The following IL17RB variants were observed in gnomAD, a reference collection of about 807,000 sequenced individuals.
The protein encoded by IL17RB is interleukin 17 receptor B, also known as interleukin-17 receptor B.
In IL17RB, 36 loss-of-function variants were observed where a neutral mutation model predicts 43.9. That is an observed-to-expected ratio of 0.82 (90% confidence interval 0.63 to 1.08). The LOEUF (loss-of-function observed/expected upper bound fraction) is 1.08. Among genes scored for constraint, IL17RB ranks in the 50% least tolerant of loss-of-function variants. The pLI is 0.00. For missense variants in IL17RB, 613 were observed against 613.6 expected, an observed-to-expected ratio of 1.00 and a Z score of 0.01; for synonymous variants, 225 against 225.4, an observed-to-expected ratio of 1.00 and a Z score of 0.02.
Position 53,855,352 on chromosome 3 carries a change from A to G in IL17RB, c.529+11A>G. On this transcript the variant is annotated intron_variant, in intron 6 of 10. Coordinates refer to ENST00000288167, the MANE Select transcript of IL17RB (RefSeq NM_018725.4). ...AGTGTGTCAAGGCCGGTAAGTAAAT[A>G]CGGCATTTGCTTTTATTATTTGAAG... is the stretch of plus-strand genomic sequence containing the variant. 1 of 1,569,924 alleles carries G rather than the reference A, an allele frequency of 6.4e-7. No homozygotes were observed. The highest frequency in any genetic ancestry group is 1.3e-5 in the African/African-American group (1 of 74,158).
chr3:53,849,968 A>G (rs554594912), intron 3 of IL17RB, among the ~76,000 whole-genome samples, 173 bp downstream of exon 3: 12 of 152,346 alleles, frequency 7.9e-5, no homozygotes, highest in Admixed American at 7.8e-4. Context: ...AACAGGCAAC[A>G]TTAGAAAGCA....
rs1196766510 is a variant in IL17RB at position 53,853,048 on chromosome 3, T to A, written c.481+51T>A. 3 of 1,609,310 alleles carry A rather than the reference T, an allele frequency of 1.9e-6. No homozygotes were observed. The African/African-American group carries it at 4.0e-5, about 21-fold the overall frequency. ...TCTTTGTCTTGCTGGGATGCCTGCT[T>A]TGCGATATGCACAGAGAGAGCCCAG... On this transcript the variant is annotated intron_variant, in intron 5 of 10. Coordinates refer to ENST00000288167, the MANE Select transcript of IL17RB (RefSeq NM_018725.4).
At chr3:53,854,173 A>G (rs1699253631) in intron 5 of IL17RB, among the ~76,000 whole-genome samples, 1 of 152,198 alleles carries the variant, frequency 6.6e-6, no homozygotes, top group Non-Finnish European at 1.5e-5. Flanking sequence ...CTGGGATTAC[A>G]GGAGTGAGCC....
chr3:53,863,589 A>G (rs369395183), intron 10 of IL17RB, among the ~76,000 whole-genome samples: 1 of 152,194 alleles, frequency 6.6e-6, no homozygotes, highest in Non-Finnish European at 1.5e-5. Flanking sequence ...AGTTTCAAAC[A>G]TGGTTTGTTT....
intron 10 of IL17RB, among the ~76,000 whole-genome samples, chr3:53,864,133 C>G (rs1285752109): frequency 6.6e-6 from 1 of 152,104 alleles, no homozygotes; most frequent in Non-Finnish European, 1.5e-5. Flanking sequence ...AACAAAGTAT[C>G]TTAAACCTAA....
intron 10 of IL17RB, chr3:53,860,897 AAC>A (rs1264592105): frequency 5.3e-5 from 8 of 152,238 alleles, no homozygotes; most frequent in African/African-American, 9.6e-5. Context: ...TCAAAACTTA[AAC>A]ACACACATAC....
At chr3:53,855,480 A>C (rs1251952104) in intron 6 of IL17RB, 139 bp downstream of exon 6, 12 of 593,446 alleles carry the variant, frequency 2.0e-5, no homozygotes, top group Non-Finnish European at 3.3e-5. Flanking sequence ...GTGGTGGCAG[A>C]AGCACCTATG....
Position 53,849,712 on chromosome 3 carries a change from T to C in IL17RB, c.143T>C (p.Leu48Pro). ...CTAATCCCCGGAGACTTGAGGGACC[T>C]CCGAGTAGAACCTGTTACAACTAGT... ...HDLIPGDLRD[L>P]RVEPVTTSVA... is the part of the protein sequence containing the mutation. The change falls in exon 3 of 11, where the codon CTC becomes CCC. Residue 48 changes from leucine (L) to proline (P), a missense_variant. Physicochemically the swap from Leu to Pro is moderately conservative, Grantham distance 98. Transcript: ENST00000288167. 6.2e-7 allele frequency: 1 copy of C among 1,613,082 alleles called. No individual in the cohort carries two copies. The highest frequency in any genetic ancestry group is 1.1e-5 in the South Asian group (1 of 90,844).
intron 10 of IL17RB, among the ~76,000 whole-genome samples, chr3:53,863,902 A>C (rs9860367): frequency 0.35 from 52,090 of 150,374 alleles, 9,198 homozygotes; most frequent in East Asian, 0.48. Flanking sequence ...GGCTCACTGC[A>C]ACCTCTGCCT....
intron 5 of IL17RB, among the ~76,000 whole-genome samples, chr3:53,854,489 A>G (rs1699263538): frequency 1.3e-5 from 2 of 152,102 alleles, no homozygotes; most frequent in Non-Finnish European, 2.9e-5. Flanking sequence ...GACAGTCTTG[A>G]GTTCTGACCA....
rs983484495 is a variant in IL17RB, at chr3:53,854,978, G to A, written c.482-316G>A. On this transcript the variant is annotated intron_variant, in intron 5 of 10. Coordinates refer to ENST00000288167, the MANE Select transcript of IL17RB (RefSeq NM_018725.4). The stretch of plus-strand genomic sequence containing the variant: ...GAGCCCCACAAAAAATTAGCCGGGC[G>A]TGGTGGCGGGCGCCTGTAGTCCCAG... Among the ~76,000 whole-genome samples the A allele has an allele frequency of 2.6e-5, 4 of 152,106 alleles. No homozygotes were observed. The East Asian group carries it at 5.8e-4, about 22-fold the overall frequency.
chr3:53,855,854 G>T (rs928545663), intron 6 of IL17RB, among the ~76,000 whole-genome samples: 19 of 152,176 alleles, frequency 1.2e-4, no homozygotes, highest in African/African-American at 3.9e-4. Context: ...CTTTTCACAG[G>T]CTAGTGAATT....
intron 8 of IL17RB, 40 bp from the exon 9 acceptor site, chr3:53,858,679 T>A (rs566155216): frequency 6.2e-7 from 1 of 1,608,846 alleles, no homozygotes; most frequent in Non-Finnish European, 8.5e-7. Context: ...TTTGCTCTGA[T>A]GCATGGTGTG....
At chr3:53,851,090 G>A (rs532150811) in intron 3 of IL17RB, among the ~76,000 whole-genome samples, 23 of 152,290 alleles carry the variant, frequency 1.5e-4, no homozygotes, top group African/African-American at 4.6e-4. Context: ...ATGACGTCAC[G>A]AAGCTTTTGG....
At position 53,865,082 on chromosome 3, in the gene IL17RB, A is replaced by C. The variant is rs374050382; in HGVS notation, c.1283A>C (p.Asn428Thr). 6.2e-7 allele frequency: 1 copy of C among 1,613,934 alleles called. No individual in the cohort carries two copies. Among genetic ancestry groups the C allele is most frequent in the African/African-American group, 1.3e-5 (1 of 74,900 alleles). The stretch of plus-strand genomic sequence containing the variant: ...CAAGACCTCTTCCCCCTTGCCTTTA[A>C]CCTTTTCTGCAGTGATCTAAGAAGC... ...NSQDLFPLAF[N>T]LFCSDLRSQI... is the part of the protein sequence containing the mutation. The change falls in exon 11 of 11, where the codon AAC becomes ACC. Residue 428 changes from asparagine to threonine, a missense_variant. Asn to Thr is a moderately conservative substitution (Grantham distance 65). Coordinates refer to ENST00000288167, the MANE Select transcript of IL17RB (RefSeq NM_018725.4).
At chr3:53,850,062 A>G (rs1699079195) in intron 3 of IL17RB, among the ~76,000 whole-genome samples, 1 of 152,254 alleles carries the variant, frequency 6.6e-6, no homozygotes, top group Non-Finnish European at 1.5e-5. Flanking sequence ...TACGTACAAC[A>G]ATATGGATGA....
At chr3:53,857,063 G>A in intron 7 of IL17RB, 77 bp downstream of exon 7, 1 of 1,481,098 alleles carries the variant, frequency 6.8e-7, no homozygotes, top group Non-Finnish European at 9.4e-7. Flanking sequence ...GGACAGTGTT[G>A]TCCAAACGTG....
At chr3:53,863,918 G>A (rs556542285) in intron 10 of IL17RB, among the ~76,000 whole-genome samples, 1 of 151,336 alleles carries the variant, frequency 6.6e-6, no homozygotes, top group East Asian at 2.0e-4. Flanking sequence ...TGCCTCCTGA[G>A]CTCAAGTGAA....
At chr3:53,859,874 G>A (rs775987944) in intron 9 of IL17RB, 13 of 339,742 alleles carry the variant, frequency 3.8e-5, no homozygotes, top group Non-Finnish European at 5.5e-5. Context: ...GTGGCTGGGC[G>A]CGGTGACACA....
Sources: allele counts gnomAD v4.1 joint callset (sites outside exome capture counted in the v4.1 genomes callset), GRCh38; gene constraint gnomAD v4.1.1; transcripts MANE v1.5; gene names NCBI Gene and HGNC (gene_info 2026-07-23, HGNC 2026-07-21).